POU2F2: variants seen among roughly 807,000 people sequenced by gnomAD.
The protein encoded by POU2F2 is POU domain, class 2, transcription factor 2.
Under a neutral mutation model 63.5 loss-of-function variants are expected in POU2F2, and 14 were observed. The observed-to-expected ratio is 0.22, with a 90% CI of 0.15 to 0.34. The LOEUF is 0.34. POU2F2 is among the 10% of genes least tolerant of loss of function. The pLI is 1.00. For synonymous variants in POU2F2, 306 were observed against 348.6 expected, an observed-to-expected ratio of 0.88 and a Z score of 1.36; for missense variants, 607 against 815.2, an observed-to-expected ratio of 0.74 and a Z score of 3.11.
chr19:42,175,157 C>G (rs1157841969), intron 1 of POU2F2, among the ~76,000 whole-genome samples: 2 of 152,194 alleles, frequency 1.3e-5, no homozygotes, highest in African/African-American at 2.4e-5. Flanking sequence ...TCCCCTCCCC[C>G]TCCCAGAGCC....
At chr19:42,108,903 C>T (rs941979133) in intron 5 of POU2F2, among the ~76,000 whole-genome samples, 3 of 152,232 alleles carry the variant, frequency 2.0e-5, no homozygotes, top group Admixed American at 6.5e-5. Context: ...TGAGAAGGGA[C>T]GGTACCGATT....
upstream of POU2F2, among the ~76,000 whole-genome samples, chr19:42,177,910 G>C (rs1463618700): frequency 2.0e-5 from 3 of 151,954 alleles, no homozygotes; most frequent in Admixed American, 1.3e-4. Context: ...GAGATGCTCA[G>C]AGACACAGAG....
rs941235795 is a variant in POU2F2, at chr19:42,087,976, G to T, written c.*3281C>A. On this transcript the variant is annotated 3_prime_UTR_variant, in exon 15 of 15. Transcript: ENST00000692977. ...GAGTGTAAGGGGCAGATGGGGGTGG[G>T]GGGCATGAATTCCCCCATCACCTTC... The T allele has an allele frequency of 5.9e-5, 9 of 152,128 alleles. No homozygotes were observed. Among genetic ancestry groups the T allele is most frequent in the African/African-American group, 2.2e-4 (9 of 41,360 alleles). 9.4% of individuals were successfully genotyped at this position (152,128 alleles called of 1,614,324 possible).
Position 42,089,791 on chromosome 19 carries a change from T to C in POU2F2, c.*1466A>G, listed in dbSNP as rs949358584. The C allele has an allele frequency of 6.6e-6, 1 of 151,502 alleles. No individual in the cohort carries two copies. The highest frequency in any genetic ancestry group is 1.5e-5 in the Non-Finnish European group (1 of 67,912). The allele number at this position is 151,502 out of a possible 1,614,324, so 9.4% of individuals were successfully genotyped here. ...AAATTTATTGTTTGTTTGTTTCTGT[T>C]TTTTTGGTTTTCGGTTCAAAACTTT... On this transcript the variant is annotated 3_prime_UTR_variant, in exon 15 of 15. Coordinates refer to ENST00000692977, the MANE Select transcript of POU2F2 (RefSeq NM_001394376.1).
intron 1 of POU2F2, among the ~76,000 whole-genome samples, chr19:42,128,638 G>C (rs2033414773): frequency 6.6e-6 from 1 of 152,132 alleles, no homozygotes; most frequent in South Asian, 2.1e-4. Context: ...AGGGACTCCA[G>C]GGCACTAGCA....
upstream of POU2F2, among the ~76,000 whole-genome samples, chr19:42,133,812 G>C (rs553460604): frequency 6.6e-6 from 1 of 151,918 alleles, no homozygotes; most frequent in South Asian, 2.1e-4. This position sits in a 1 kb window ranked among gnomAD's most constrained non-coding sequence, Gnocchi z 5.1. Context: ...CTGGCCACTC[G>C]CACCCACTCA....
chr19:42,113,167 T>C (rs565559200), intron 5 of POU2F2, among the ~76,000 whole-genome samples: 2 of 152,270 alleles, frequency 1.3e-5, no homozygotes, highest in South Asian at 4.1e-4. Flanking sequence ...ATGGTCCTAT[T>C]AGGAAAATAG....
intron 2 of POU2F2, among the ~76,000 whole-genome samples, chr19:42,137,991 C>T (rs570629649): frequency 1.3e-5 from 2 of 152,250 alleles, no homozygotes; most frequent in South Asian, 4.1e-4. Context: ...GGTGGAGAGG[C>T]GGCCAGGGCC....
At chr19:42,164,728 G>A (rs1027310437) in intron 1 of POU2F2, among the ~76,000 whole-genome samples, 3 of 151,864 alleles carry the variant, frequency 2.0e-5, no homozygotes, top group African/African-American at 7.3e-5. Context: ...TTGGGAGGCC[G>A]AGGTGGGCGG....
At chr19:42,108,385 G>A (rs1056894948) in intron 5 of POU2F2, among the ~76,000 whole-genome samples, 2 of 152,282 alleles carry the variant, frequency 1.3e-5, no homozygotes, top group East Asian at 1.9e-4. Flanking sequence ...GAGCCCAGGA[G>A]TTCCAGACCA....
intron 2 of POU2F2, among the ~76,000 whole-genome samples, chr19:42,145,838 G>A (rs1359189939): frequency 6.6e-6 from 1 of 152,104 alleles, no homozygotes; most frequent in Non-Finnish European, 1.5e-5. Flanking sequence ...GGAGGCTGAG[G>A]CAGAAGAATC....
intron 5 of POU2F2, among the ~76,000 whole-genome samples, chr19:42,100,467 C>G (rs2077094650): frequency 6.6e-6 from 1 of 152,168 alleles, no homozygotes; most frequent in Non-Finnish European, 1.5e-5. Flanking sequence ...AAATGTAAGC[C>G]AGGCCGGGTG....
chr19:42,143,956 G>A (rs761164619), intron 2 of POU2F2, among the ~76,000 whole-genome samples: 12 of 152,032 alleles, frequency 7.9e-5, no homozygotes, highest in African/African-American at 2.4e-4. Flanking sequence ...TTCAAGCCTC[G>A]TGTCACGTGC....
chr19:42,116,581 T>A (rs890538461), intron 5 of POU2F2: 5 of 185,834 alleles, frequency 2.7e-5, no homozygotes, highest in Non-Finnish European at 4.5e-5. Context: ...CTAGGGTTGC[T>A]AGGAACTGCC....
intron 2 of POU2F2, among the ~76,000 whole-genome samples, chr19:42,151,852 C>G (rs1380204575): frequency 6.6e-6 from 1 of 152,166 alleles, no homozygotes; most frequent in Non-Finnish European, 1.5e-5. Flanking sequence ...TCTCTTAAGC[C>G]AGTGGGCAGG....
chr19:42,192,861 C>T (rs1038893046), intron 1 of POU2F2, among the ~76,000 whole-genome samples: 1 of 152,110 alleles, frequency 6.6e-6, no homozygotes, highest in Non-Finnish European at 1.5e-5. Context: ...TCATTCAGTG[C>T]TGGTGGGAGA....
chr19:42,148,066 T>C (rs2034267797), intron 2 of POU2F2, among the ~76,000 whole-genome samples: 2 of 151,950 alleles, frequency 1.3e-5, no homozygotes, highest in Admixed American at 1.3e-4. Context: ...CCCTGATCTC[T>C]TGCCCCCCTC....
chr19:42,098,091 C>T (rs2076991926), intron 7 of POU2F2, among the ~76,000 whole-genome samples: 1 of 152,172 alleles, frequency 6.6e-6, no homozygotes, highest in African/African-American at 2.4e-5. Flanking sequence ...TAGGCATGCA[C>T]CACCGTGCCT....
chr19:42,120,108 A>C (rs2032416595), intron 4 of POU2F2, among the ~76,000 whole-genome samples: 2 of 152,038 alleles, frequency 1.3e-5, no homozygotes, highest in African/African-American at 2.4e-5. Flanking sequence ...ACAGGGTCTC[A>C]CTATGTTGCC....
Sources: gnomAD v4.1 joint callset for allele counts (sites outside exome capture counted in the v4.1 genomes callset) on GRCh38, gnomAD v4.1.1 for gene constraint, Gnocchi (gnomAD v3.1) non-coding constraint, MANE v1.5 for transcripts, NCBI Gene and HGNC (gene_info 2026-07-23, HGNC 2026-07-21) for gene names.